The following SV2C variants were observed in gnomAD, a reference collection of about 807,000 sequenced individuals.
SV2C encodes solute carrier family 22 member B3.
In SV2C, 49 loss-of-function variants were observed where a neutral mutation model predicts 79.7. That is an observed-to-expected ratio of 0.61 (90% CI 0.49 to 0.78). SV2C has a LOEUF of 0.78. SV2C is among the 30% of genes least tolerant of loss of function. SV2C has a pLI of 0.00. For synonymous variants in SV2C, 334 were observed against 333.2 expected, an observed-to-expected ratio of 1.00 and a Z score of -0.03; for missense variants, 833 against 912.9, an observed-to-expected ratio of 0.91 and a Z score of 1.13.
At chr5:76,051,370 G>C in the SV2C span, among the ~76,000 whole-genome samples, 4 of 152,126 alleles carry the variant, frequency 2.6e-5, no homozygotes, top group Admixed American at 1.3e-4. Context: ...AATTTTTAAA[G>C]TATGTGTCAT....
At chr5:76,202,050 A>C (rs1744465702) in intron 3 of SV2C, among the ~76,000 whole-genome samples, 1 of 151,648 alleles carries the variant, frequency 6.6e-6, no homozygotes, top group Non-Finnish European at 1.5e-5. Flanking sequence ...AGAAAAAGAA[A>C]ATTGAGGCAC....
chr5:76,236,380 T>C (rs1476777774), intron 4 of SV2C, among the ~76,000 whole-genome samples: 1 of 151,946 alleles, frequency 6.6e-6, no homozygotes. Flanking sequence ...CTGGTCAGCA[T>C]GGTGAAACCC....
At position 76,301,393 on chromosome 5, in the gene SV2C, T is replaced by G. The variant is rs766292726; in HGVS notation, c.1848T>G (p.Ser616=). 1.8e-5 allele frequency: 29 copies of G among 1,613,878 alleles called. No homozygotes were observed. Among genetic ancestry groups the G allele is most frequent in the African/African-American group, 2.7e-5 (2 of 74,920 alleles). ...TGTCTGCATTGTTGGCAGGTGGCTC[T>G]ATGGTGCTTTCGGGGATCAGCTGTT... The part of the protein sequence containing the change: ...RIGRLTMLGG[S]MVLSGISCFF... The change falls in exon 12 of 13, where the codon TCT becomes TCG. Residue 616 remains serine (S), a synonymous_variant. Coordinates refer to ENST00000502798, the MANE Select transcript of SV2C (RefSeq NM_014979.4).
chr5:76,030,265 T>TG, the SV2C span, among the ~76,000 whole-genome samples: 12,742 of 91,468 alleles, frequency 0.14, 2,922 homozygotes, highest in African/African-American at 0.45. Context: ...GTCAGAGGCT[T>TG]GTTTTTTTTT....
intron 4 of SV2C, among the ~76,000 whole-genome samples, chr5:76,284,590 C>A (rs559624001): frequency 6.6e-6 from 1 of 152,204 alleles, no homozygotes; most frequent in Non-Finnish European, 1.5e-5. Context: ...CTGACAAGAG[C>A]TGTGGCTGCT....
the SV2C span, among the ~76,000 whole-genome samples, chr5:75,894,696 T>C: frequency 6.6e-6 from 1 of 152,110 alleles, no homozygotes; most frequent in Admixed American, 6.6e-5. Flanking sequence ...CCTGAGGTGA[T>C]AGATAACAGT....
chr5:76,219,180 T>G (rs1343732856), intron 4 of SV2C, among the ~76,000 whole-genome samples: 1 of 152,154 alleles, frequency 6.6e-6, no homozygotes, highest in Non-Finnish European at 1.5e-5. Flanking sequence ...TTTCACTGAG[T>G]GTTACAGCCC....
At chr5:76,014,846 T>G in the SV2C span, among the ~76,000 whole-genome samples, 1 of 152,192 alleles carries the variant, frequency 6.6e-6, no homozygotes, top group African/African-American at 2.4e-5. Flanking sequence ...ATCTGATTGA[T>G]GTAGAAATTT....
chr5:76,134,581 G>A (rs927489655), intron 2 of SV2C, among the ~76,000 whole-genome samples: 1 of 152,142 alleles, frequency 6.6e-6, no homozygotes, highest in Non-Finnish European at 1.5e-5. Flanking sequence ...CCTCAAGGAA[G>A]ACCAGGAACA....
At chr5:76,353,775 C>G (rs1197398649) in exon 13 of SV2C, 1 of 152,136 alleles carries the variant, frequency 6.6e-6, no homozygotes, top group Non-Finnish European at 1.5e-5. Flanking sequence ...AAATCTTAAC[C>G]AAGACGCCTT....
At chr5:75,905,922 A>T in the SV2C span, among the ~76,000 whole-genome samples, 1 of 147,940 alleles carries the variant, frequency 6.8e-6, no homozygotes, top group Non-Finnish European at 1.5e-5. Flanking sequence ...ATTAGTTAAG[A>T]TGAAGTCATA....
the SV2C span, among the ~76,000 whole-genome samples, chr5:76,059,197 A>G: frequency 6.6e-6 from 1 of 152,062 alleles, no homozygotes; most frequent in African/African-American, 2.4e-5. Context: ...GCTGCTGACC[A>G]CTCAGGGTGG....
the SV2C span, among the ~76,000 whole-genome samples, chr5:75,970,853 C>T: frequency 2.0e-5 from 3 of 152,100 alleles, no homozygotes; most frequent in African/African-American, 7.3e-5. Context: ...ATACCAAAGC[C>T]TGGCAGAGAC....
the SV2C span, among the ~76,000 whole-genome samples, chr5:75,969,344 A>G: frequency 6.6e-6 from 1 of 152,240 alleles, no homozygotes; most frequent in Non-Finnish European, 1.5e-5. Flanking sequence ...TTAAATGTAA[A>G]TGGGCTAAGT....
At chr5:76,336,657 G>GA (rs1306552558), downstream of SV2C, among the ~76,000 whole-genome samples, 1 of 152,104 alleles carries the variant, frequency 6.6e-6, no homozygotes, top group African/African-American at 2.4e-5. Flanking sequence ...ACTGGAGGCC[G>GA]AGGCCGGCGG....
chr5:75,952,164 C>T, the SV2C span, among the ~76,000 whole-genome samples: 2 of 151,674 alleles, frequency 1.3e-5, no homozygotes, highest in Admixed American at 6.6e-5. Flanking sequence ...AAAAATGAAA[C>T]AACCCTGATC....
At chr5:76,020,996 C>T in the SV2C span, among the ~76,000 whole-genome samples, 1 of 152,162 alleles carries the variant, frequency 6.6e-6, no homozygotes, top group Non-Finnish European at 1.5e-5. Context: ...TGCATCAGGT[C>T]ACTACAATTT....
chr5:76,329,630 T>C lies in SV2C; in HGVS notation c.*4083T>C, dbSNP rs1261771461. The stretch of plus-strand genomic sequence containing the variant: ...TAGGACACAGCAGAGACTTTCTAAA[T>C]GCTGGGGTCATTTCCAAAGCAGTCC... On this transcript the variant is annotated 3_prime_UTR_variant, in exon 13 of 13. Transcript: ENST00000502798. 4 of 152,240 alleles carry C rather than the reference T, an allele frequency of 2.6e-5. No individual in the cohort carries two copies. The highest frequency in any genetic ancestry group is 4.8e-5 in the African/African-American group (2 of 41,466). 9.4% of individuals were successfully genotyped at this position (152,240 alleles called of 1,614,324 possible).
intron 3 of SV2C, among the ~76,000 whole-genome samples, chr5:76,203,951 C>G (rs1173243294): frequency 6.6e-6 from 1 of 152,150 alleles, no homozygotes; most frequent in Non-Finnish European, 1.5e-5. Context: ...GTTTTTCTCC[C>G]ATTTCTATCT....
Sources: allele counts gnomAD v4.1 joint callset (sites outside exome capture counted in the v4.1 genomes callset), GRCh38; gene constraint gnomAD v4.1.1; transcripts MANE v1.5; gene names NCBI Gene and HGNC (gene_info 2026-07-23, HGNC 2026-07-21).